Variants in PHF8 observed in about 807,000 individuals in gnomAD.
PHF8 encodes the protein PHD finger protein 8, also known as histone lysine demethylase PHF8.
PHF8 carries 9 observed loss-of-function variants against 74.4 expected under a neutral mutation model. The observed-to-expected ratio is 0.12, with a 90% CI of 0.07 to 0.21. The LOEUF is 0.21. Among genes scored for constraint, PHF8 ranks in the 10% least tolerant of loss-of-function variants. The probability of loss-of-function intolerance (pLI) is 1.00; values close to 1 mark genes in which losing one functional copy is unlikely to be tolerated. For missense variants in PHF8, 478 were observed against 816.6 expected, an observed-to-expected ratio of 0.59 and a Z score of 5.05; for synonymous variants, 311 against 316.6, an observed-to-expected ratio of 0.98 and a Z score of 0.19.
chrX:53,997,884 C>T (rs1313322541), intron 11 of PHF8, among the ~76,000 whole-genome samples: 1 of 111,418 alleles, frequency 9.0e-6, no homozygotes, highest in Non-Finnish European at 1.9e-5. Context: ...CAAGGGAAGG[C>T]TCAAAATATG....
intron 5 of PHF8, 40 bp from the exon 6 acceptor site, chrX:54,016,776 G>A (rs2066077733): frequency 8.8e-7 from 1 of 1,130,103 alleles, no homozygotes; most frequent in East Asian, 3.0e-5. Flanking sequence ...GTAGTCTCAG[G>A]GACTGTGGAA....
rs1423703040 is a variant in PHF8 at position 53,937,263 on chromosome X, CAAAG to C, written c.*1891_*1894del. The C allele has an allele frequency of 2.2e-4, 25 of 111,342 alleles. No individual in the cohort carries two copies. The Admixed American group carries it at 2.4e-3, about 11-fold the overall frequency. 9.2% of individuals were successfully genotyped at this position (111,342 alleles called of 1,213,427 possible). A position where few individuals can be genotyped will look rare whatever the true frequency, so the allele number is the denominator to read the frequency against. On this transcript the variant is annotated 3_prime_UTR_variant, in exon 22 of 22. Coordinates refer to ENST00000338154, the MANE Select transcript of PHF8 (RefSeq NM_015107.3). ...TTTCAGCTCCACAGAAAACTTCTAA[CAAAG>C]AAATAGAGGGAAAAGGCCGGAATCG...
At chrX:54,011,473 G>A (rs190528084) in intron 7 of PHF8, among the ~76,000 whole-genome samples, 189 bp from the exon 8 acceptor site, 1 of 112,346 alleles carries the variant, frequency 8.9e-6, no homozygotes, top group East Asian at 2.8e-4. Context: ...TTTGCTTTTT[G>A]TACTTTTAAG....
At chrX:54,018,293 C>G (rs1405946926) in intron 4 of PHF8, among the ~76,000 whole-genome samples, 2 of 110,717 alleles carry the variant, frequency 1.8e-5, no homozygotes, top group Admixed American at 9.7e-5. Flanking sequence ...CCCGTCTCCA[C>G]AAAAAAATTC....
At chrX:53,949,729 G>A (rs1356796578) in intron 19 of PHF8, among the ~76,000 whole-genome samples, 5 of 101,812 alleles carry the variant, frequency 4.9e-5, no homozygotes, top group African/African-American at 1.8e-4. Flanking sequence ...GGAGAATGGT[G>A]TGAACCCGGA....
At chrX:53,990,004 C>T (rs1557100905) in intron 14 of PHF8, among the ~76,000 whole-genome samples, 3 of 111,497 alleles carry the variant, frequency 2.7e-5, no homozygotes, top group Non-Finnish European at 5.6e-5. Flanking sequence ...TAAATGACAG[C>T]TATGTATGCC....
At chrX:53,946,990 T>C (rs2064841636) in intron 19 of PHF8, among the ~76,000 whole-genome samples, 1 of 111,857 alleles carries the variant, frequency 8.9e-6, no homozygotes, top group Admixed American at 9.5e-5. Context: ...GGTGGATATA[T>C]AGGAGCTCAA....
intron 8 of PHF8, among the ~76,000 whole-genome samples, chrX:54,005,153 T>C (rs1172292150): frequency 9.1e-6 from 1 of 110,229 alleles, no homozygotes; most frequent in African/African-American, 3.3e-5. Context: ...AGTTAGAGCA[T>C]GAGTCTAAAA....
At chrX:53,999,993 A>G (rs1557103865) in intron 10 of PHF8, 32 bp from the exon 11 acceptor site, 1 of 947,438 alleles carries the variant, frequency 1.1e-6, no homozygotes, top group Non-Finnish European at 1.5e-6. Flanking sequence ...CAGAGTGTCA[A>G]CAAAGCCATG....
intron 2 of PHF8, among the ~76,000 whole-genome samples, chrX:54,023,843 A>G (rs1557110699): frequency 1.0e-5 from 1 of 100,268 alleles, no homozygotes; most frequent in Non-Finnish European, 2.0e-5. Context: ...CCTGTCTCCA[A>G]AAAAAAAAAA....
intron 20 of PHF8, among the ~76,000 whole-genome samples, chrX:53,941,906 T>C (rs1271557269): frequency 9.0e-6 from 1 of 111,688 alleles, no homozygotes; most frequent in East Asian, 2.8e-4. Context: ...ATCCAAGCCA[T>C]TTGGCTTCAG....
At chrX:54,026,554 G>GTTGTT (rs782080273) in intron 2 of PHF8, among the ~76,000 whole-genome samples, 14,732 of 108,918 alleles carry the variant, frequency 0.14, 1,104 homozygotes, top group African/African-American at 0.28. Context: ...TGTTGTTGTT[G>GTTGTT]TTAAGCACTC....
chrX:53,943,727 G>C (rs1395835938), intron 20 of PHF8, among the ~76,000 whole-genome samples: 2 of 111,911 alleles, frequency 1.8e-5, no homozygotes, highest in African/African-American at 6.5e-5. Context: ...AAGAGGACAA[G>C]AAAAATTTCT....
intron 2 of PHF8, among the ~76,000 whole-genome samples, chrX:54,041,388 T>TAAAAAAA (rs370388675): frequency 1.6e-4 from 7 of 43,057 alleles, no homozygotes; most frequent in East Asian, 5.9e-4. Context: ...TTGTCTCAAA[T>TAAAAAAA]AAAAAAAAAA....
chrX:53,975,096 G>T (rs1557095668), intron 18 of PHF8, among the ~76,000 whole-genome samples: 1 of 112,002 alleles, frequency 8.9e-6, no homozygotes, highest in African/African-American at 3.2e-5. Context: ...GGTATATGGG[G>T]AAAATGTCCA....
chrX:54,032,420 T>C (rs2066375904), intron 2 of PHF8, among the ~76,000 whole-genome samples: 1 of 111,108 alleles, frequency 9.0e-6, no homozygotes, highest in East Asian at 2.9e-4. Context: ...AGCATTGGAC[T>C]GGACTGGTAG....
intron 8 of PHF8, among the ~76,000 whole-genome samples, chrX:54,004,900 G>T (rs1315031146): frequency 1.9e-5 from 2 of 104,774 alleles, no homozygotes; most frequent in Non-Finnish European, 3.8e-5. Context: ...CTCCAGCCTG[G>T]GTGCTAGAGA....
chrX:54,044,806 C>T, upstream of PHF8: 3 of 968,733 alleles, frequency 3.1e-6, no homozygotes, highest in Non-Finnish European at 2.9e-6. Flanking sequence ...AACTCGGTGA[C>T]TCCAAACTAC....
In PHF8 at chrX:53,937,709, C is replaced by A; in HGVS notation, c.*1449G>T. 3.2e-6 allele frequency: 1 copy of A among 309,709 alleles called. No individual in the cohort carries two copies. The highest frequency in any genetic ancestry group is 5.7e-6 in the Non-Finnish European group (1 of 175,859). 25.5% of individuals were successfully genotyped at this position (309,709 alleles called of 1,213,427 possible). ...GAGATACAAAGATGACAAAAGAAGCCTCACAAATTCCCTGTGGCCTGCATG... is the reference window on the plus strand; with the variant it reads ...GAGATACAAAGATGACAAAAGAAGCATCACAAATTCCCTGTGGCCTGCATG... On this transcript the variant is annotated 3_prime_UTR_variant, in exon 22 of 22. Transcript: ENST00000338154.
Sources: gnomAD v4.1 joint callset for allele counts (sites outside exome capture counted in the v4.1 genomes callset) on GRCh38, gnomAD v4.1.1 for gene constraint, MANE v1.5 for transcripts, NCBI Gene and HGNC (gene_info 2026-07-23, HGNC 2026-07-21) for gene names.